The following CCDC149 variants were observed in gnomAD, a reference collection of about 807,000 sequenced individuals.
The protein encoded by CCDC149 is coiled-coil domain containing 149, also known as coiled-coil domain-containing protein 149.
In CCDC149, 45 loss-of-function variants were observed where a neutral mutation model predicts 59.9. That is an observed-to-expected ratio of 0.75 (90% CI 0.59 to 0.96). The LOEUF (loss-of-function observed/expected upper bound fraction) is 0.96, where lower values mean the gene tolerates loss of function less well. Among genes scored for constraint, CCDC149 ranks in the 40% least tolerant of loss-of-function variants. The probability of loss-of-function intolerance (pLI) is 0.00; values close to 1 mark genes in which losing one functional copy is unlikely to be tolerated. For missense variants in CCDC149, 584 were observed against 664.7 expected, an observed-to-expected ratio of 0.88 and a Z score of 1.33; for synonymous variants, 245 against 260.6, an observed-to-expected ratio of 0.94 and a Z score of 0.58.
chr4:24,817,430 G>C (rs115785040), intron 12 of CCDC149, among the ~76,000 whole-genome samples: 4 of 151,988 alleles, frequency 2.6e-5, no homozygotes, highest in Non-Finnish European at 5.9e-5. Flanking sequence ...AGGTACCTGG[G>C]GGGTAACCTT....
At chr4:24,876,478 C>T (rs1175489502) in intron 2 of CCDC149, 58 bp downstream of exon 2, 2 of 1,519,300 alleles carry the variant, frequency 1.3e-6, no homozygotes, top group Non-Finnish European at 1.8e-6. Flanking sequence ...GTGAAAATCT[C>T]TTTATATCTT....
At chr4:24,834,169 A>G (rs1716343986) in intron 8 of CCDC149, among the ~76,000 whole-genome samples, 1 of 152,180 alleles carries the variant, frequency 6.6e-6, no homozygotes, top group Admixed American at 6.5e-5. Flanking sequence ...TGTAGGCTGG[A>G]GACTCAGCAC....
intron 1 of CCDC149, among the ~76,000 whole-genome samples, chr4:24,971,820 A>G (rs4235323): frequency 0.67 from 101,839 of 152,084 alleles, 34,376 homozygotes; most frequent in Non-Finnish European, 0.71. Context: ...GATAAGAAAC[A>G]TTTACAATCT....
chr4:24,814,280 T>C (rs1405436454), intron 12 of CCDC149, among the ~76,000 whole-genome samples: 2 of 152,208 alleles, frequency 1.3e-5, no homozygotes, highest in Non-Finnish European at 2.9e-5. Context: ...TTTAAAAAAA[T>C]AGCTCTTCAG....
At chr4:24,843,748 T>C (rs1188583638) in intron 4 of CCDC149, among the ~76,000 whole-genome samples, 1 of 152,188 alleles carries the variant, frequency 6.6e-6, no homozygotes, top group African/African-American at 2.4e-5. Context: ...AGCAGTGTGC[T>C]AGCAGCTTTC....
At chr4:24,839,411 C>A (rs375533161) in intron 4 of CCDC149, among the ~76,000 whole-genome samples, 2 of 151,982 alleles carry the variant, frequency 1.3e-5, no homozygotes, top group African/African-American at 4.8e-5. Flanking sequence ...GATCTCCTGA[C>A]CTTGTGATCC....
At chr4:24,925,101 T>C (rs1216295936) in intron 1 of CCDC149, among the ~76,000 whole-genome samples, 1 of 152,206 alleles carries the variant, frequency 6.6e-6, no homozygotes, top group Non-Finnish European at 1.5e-5. Context: ...GTTCTGTAGA[T>C]CTATGAACTA....
chr4:24,903,097 T>C (rs1721273476), intron 1 of CCDC149, among the ~76,000 whole-genome samples: 1 of 151,328 alleles, frequency 6.6e-6, no homozygotes, highest in South Asian at 2.1e-4. Context: ...CTTGCTTCCA[T>C]TTCCTGCAAC....
intron 4 of CCDC149, among the ~76,000 whole-genome samples, chr4:24,839,952 TC>T (rs1308870466): frequency 2.0e-5 from 3 of 152,152 alleles, no homozygotes; most frequent in Non-Finnish European, 4.4e-5. Flanking sequence ...GACAATCTCT[TC>T]CTTGTTCCTG....
intron 1 of CCDC149, among the ~76,000 whole-genome samples, chr4:24,899,286 A>G (rs542386092): frequency 1.6e-4 from 24 of 152,302 alleles, no homozygotes; most frequent in African/African-American, 5.1e-4. Flanking sequence ...GAATCAAGGT[A>G]GACTTCACAG....
intron 1 of CCDC149, among the ~76,000 whole-genome samples, chr4:24,943,400 T>C (rs1295376320): frequency 6.6e-6 from 1 of 151,586 alleles, no homozygotes; most frequent in Non-Finnish European, 1.5e-5. Flanking sequence ...CCTTATACCT[T>C]ATACAAAAAT....
At chr4:24,894,189 CT>C (rs1185304064) in intron 1 of CCDC149, among the ~76,000 whole-genome samples, 1 of 152,110 alleles carries the variant, frequency 6.6e-6, no homozygotes, top group Non-Finnish European at 1.5e-5. Flanking sequence ...TTCCTTTTTC[CT>C]TCATATAGGT....
At chr4:24,949,300 C>G (rs1723206896) in intron 1 of CCDC149, among the ~76,000 whole-genome samples, 1 of 152,164 alleles carries the variant, frequency 6.6e-6, no homozygotes, top group African/African-American at 2.4e-5. Context: ...AGGCTCTGCC[C>G]TGAATGTAGC....
At chr4:24,894,923 G>A in intron 1 of CCDC149, 1 of 1,528,168 alleles carries the variant, frequency 6.5e-7, no homozygotes, top group East Asian at 2.5e-5. Context: ...TTCTGATAGT[G>A]GGGAAAAATA....
intron 2 of CCDC149, among the ~76,000 whole-genome samples, chr4:24,875,063 C>T (rs562603605): frequency 8.5e-4 from 130 of 152,270 alleles, no homozygotes; most frequent in African/African-American, 2.9e-3. Flanking sequence ...AATCCCAGCA[C>T]CTTGGGAGGG....
intron 4 of CCDC149, among the ~76,000 whole-genome samples, chr4:24,841,827 T>C (rs1392928926): frequency 5.9e-5 from 9 of 151,968 alleles, no homozygotes; most frequent in Admixed American, 5.9e-4. Context: ...GAGAGTGGGG[T>C]TGAGTTAAAT....
intron 1 of CCDC149, among the ~76,000 whole-genome samples, chr4:24,891,985 T>G (rs1720553492): frequency 6.6e-6 from 1 of 151,370 alleles, no homozygotes; most frequent in East Asian, 1.9e-4. Flanking sequence ...GGGGAGAGAG[T>G]GAGACCCTGT....
At chr4:24,868,628 A>G (rs1430288491) in intron 3 of CCDC149, among the ~76,000 whole-genome samples, 1 of 152,202 alleles carries the variant, frequency 6.6e-6, no homozygotes, top group Non-Finnish European at 1.5e-5. Context: ...AGGGGGCACT[A>G]ATAGAAATGA....
intron 4 of CCDC149, among the ~76,000 whole-genome samples, chr4:24,849,152 T>C (rs2109173570): frequency 1.3e-5 from 2 of 152,096 alleles, no homozygotes; most frequent in East Asian, 3.9e-4. Flanking sequence ...CAGGCCAACC[T>C]CTGCGGCAGA....
Sources: gnomAD v4.1 joint callset for allele counts (sites outside exome capture counted in the v4.1 genomes callset) on GRCh38, gnomAD v4.1.1 for gene constraint, MANE v1.5 for transcripts, NCBI Gene and HGNC (gene_info 2026-07-23, HGNC 2026-07-21) for gene names.